The following DPP9 variants were observed in gnomAD, a reference collection of about 807,000 sequenced individuals.
The protein encoded by DPP9 is dipeptidyl peptidase 9, also known as dipeptidyl peptidase IV-related protein-2.
A neutral mutation model predicts 110.7 loss-of-function variants in DPP9; 50 were observed. The observed-to-expected ratio is 0.45, with a 90% confidence interval of 0.36 to 0.57. The LOEUF (loss-of-function observed/expected upper bound fraction) is 0.57, where lower values mean the gene tolerates loss of function less well. Among genes scored for constraint, DPP9 ranks in the 20% least tolerant of loss-of-function variants. The pLI, the probability that DPP9 is intolerant of heterozygous loss-of-function variation, is 0.00. For synonymous variants in DPP9, 561 were observed against 514.4 expected, an observed-to-expected ratio of 1.09 and a Z score of -1.23; for missense variants, 1,022 against 1,217.9, an observed-to-expected ratio of 0.84 and a Z score of 2.39.
At chr19:4,720,509 G>A (rs1165587892) in intron 2 of DPP9, among the ~76,000 whole-genome samples, 28 of 152,248 alleles carry the variant, frequency 1.8e-4, no homozygotes. Flanking sequence ...CCCATCTGAA[G>A]ATGCTACCTG....
Position 4,693,266 on chromosome 19 carries a change from C to T in DPP9, c.1516+1395G>A, listed in dbSNP as rs72620526. On this transcript the variant is annotated intron_variant, in intron 13 of 21. Coordinates refer to ENST00000262960, the MANE Select transcript of DPP9 (RefSeq NM_139159.5). This position sits in a 1 kb window ranked among gnomAD's most constrained non-coding sequence, Gnocchi z 5.0. ...CTTTGAAGAGCCTGGGCCGGGCTCC[C>T]GGACCACCCCACCTCTCTATCCAGA... Among the ~76,000 whole-genome samples the T allele has an allele frequency of 0.12, 18,467 of 152,022 alleles. 1,501 individuals carry two copies. The highest frequency in any genetic ancestry group is 0.22 in the African/African-American group (9,084 of 41,460).
rs1442425706 is a variant in DPP9, at chr19:4,676,870, G to C, written c.2587-214C>G. ...AATCCGGACCTCACAGTCTTTGGGAGGATTTGGTAAGACAAAGTTTACAAA... is the reference window on the plus strand; with the variant it reads ...AATCCGGACCTCACAGTCTTTGGGACGATTTGGTAAGACAAAGTTTACAAA... On this transcript the variant is annotated intron_variant, in intron 21 of 21. Coordinates refer to ENST00000262960, the MANE Select transcript of DPP9 (RefSeq NM_139159.5). The surrounding 1 kb of genome is among the most constrained non-coding windows in gnomAD (Gnocchi z 4.0). Among the ~76,000 whole-genome samples, 1 of 152,200 alleles carries C rather than the reference G, an allele frequency of 6.6e-6. No individual in the cohort carries two copies. Among genetic ancestry groups the C allele is most frequent in the Non-Finnish European group, 1.5e-5 (1 of 68,036 alleles).
rs998037439 is a variant in DPP9, at chr19:4,710,061, C to T, written c.313+4020G>A. On this transcript the variant is annotated intron_variant, in intron 4 of 21. Transcript: ENST00000262960. The surrounding 1 kb of genome is among the most constrained non-coding windows in gnomAD (Gnocchi z 5.6). ...TGAGGCAAGGGCTAGAGGTGACCGC[C>T]AAGGGCTGTGGATTTCTGCTGCCCC... Among the ~76,000 whole-genome samples the T allele has an allele frequency of 7.2e-5, 11 of 152,248 alleles. No individual in the cohort carries two copies.
At chr19:4,719,665 G>A (rs1283678095) in intron 3 of DPP9, 186 bp downstream of exon 3, 4 of 688,856 alleles carry the variant, frequency 5.8e-6, no homozygotes, top group African/African-American at 5.4e-5. Context: ...CGTCCACAGT[G>A]CCGAGGGGGA....
chr19:4,695,590 A>G lies in DPP9; in HGVS notation c.1176-35T>C. The G allele has an allele frequency of 7.0e-7, 1 of 1,438,704 alleles. No homozygotes were observed. The highest frequency in any genetic ancestry group is 9.1e-7 in the Non-Finnish European group (1 of 1,093,524). The allele number at this position is 1,438,704 out of a possible 1,614,324, so 89.1% of individuals were successfully genotyped here. A position where few individuals can be genotyped will look rare whatever the true frequency, so the allele number is the denominator to read the frequency against. ...AAGATGCGGGGGAAGATGAGAGGGA[A>G]GCTGGGAGCCTCAGTGGCCTGCACA... On this transcript the variant is annotated intron_variant, in intron 11 of 21. Coordinates refer to ENST00000262960, the MANE Select transcript of DPP9 (RefSeq NM_139159.5). This position sits in a 1 kb window ranked among gnomAD's most constrained non-coding sequence, Gnocchi z 4.7.
intron 8 of DPP9, 89 bp downstream of exon 8, chr19:4,702,514 G>T: frequency 9.9e-7 from 1 of 1,014,844 alleles, no homozygotes; most frequent in Non-Finnish European, 1.5e-6. Context: ...GGTTTGAGGT[G>T]AAAGGAGTAA....
Position 4,700,179 on chromosome 19 carries a change from T to C in DPP9, c.1074+37A>G, listed in dbSNP as rs749469612. 6.6e-7 allele frequency: 1 copy of C among 1,508,534 alleles called. No homozygotes were observed. The highest frequency in any genetic ancestry group is 9.0e-7 in the Non-Finnish European group (1 of 1,109,938). 93.4% of individuals were successfully genotyped at this position (1,508,534 alleles called of 1,614,324 possible). On this transcript the variant is annotated intron_variant, in intron 10 of 21. Transcript: ENST00000262960. This position sits in a 1 kb window ranked among gnomAD's most constrained non-coding sequence, Gnocchi z 4.3. ...GCCTACCCGGCCCTTCCCCGCATCA[T>C]CTAGTAGATTATCTGGTATGCAGCA... is the stretch of plus-strand genomic sequence containing the variant.
At position 4,694,808 on chromosome 19, in the gene DPP9, AGAAG is replaced by A. The variant is rs1360075526; in HGVS notation, c.1365_1368del (p.Phe456IlefsTer34). 1 of 1,613,854 alleles carries A rather than the reference AGAAG, an allele frequency of 6.2e-7. No individual in the cohort carries two copies. The highest frequency in any genetic ancestry group is 8.5e-7 in the Non-Finnish European group (1 of 1,179,860). On this transcript the variant is annotated frameshift_variant, in exon 13 of 22. Coordinates refer to ENST00000262960, the MANE Select transcript of DPP9 (RefSeq NM_139159.5). LOFTEE classifies it high-confidence loss of function. The surrounding 1 kb of genome is among the most constrained non-coding windows in gnomAD (Gnocchi z 4.0). The stretch of plus-strand genomic sequence containing the variant: ...TCTCCCTCTGATTGGGGGAAGGGAT[AGAAG>A]ATGTCATGAACCTGTCCGGAAAGCA...
chr19:4,698,159 C>G lies in DPP9; in HGVS notation c.1075-508G>C, dbSNP rs146327878. On this transcript the variant is annotated intron_variant, in intron 10 of 21. Transcript: ENST00000262960. This position sits in a 1 kb window ranked among gnomAD's most constrained non-coding sequence, Gnocchi z 4.2. ...CCAAAGGCTCTGGTCTGGGCTGTCC[C>G]TTAGAGCCAGGTGGCTCTGGGCAAG... 5.3e-5 allele frequency among the ~76,000 whole-genome samples: 8 copies of G among 152,358 alleles called. No individual in the cohort carries two copies. Among genetic ancestry groups the G allele is most frequent in the African/African-American group, 1.9e-4 (8 of 41,582 alleles).
chr19:4,716,010 G>A (rs1599950954), intron 3 of DPP9: 1 of 152,356 alleles, frequency 6.6e-6, no homozygotes, highest in South Asian at 2.1e-4. Context: ...GTGGCACCGG[G>A]GCTGGTCTCG....
intron 3 of DPP9, among the ~76,000 whole-genome samples, chr19:4,714,806 C>T (rs2092998702): frequency 6.6e-6 from 1 of 151,928 alleles, no homozygotes; most frequent in Non-Finnish European, 1.5e-5. Context: ...AACCAGTTCT[C>T]ACCACCACCT....
Position 4,690,959 on chromosome 19 carries a change from T to C in DPP9, c.1517-2A>G. On this transcript the variant is annotated splice_acceptor_variant, in intron 13 of 21. Transcript: ENST00000262960. LOFTEE classifies it high-confidence loss of function. ...CCTTAATGGGGCACTTAAATTCATCTGGAAAGAAAGAAAGAAGGGAGGTGA... is the reference window on the plus strand; with the variant it reads ...CCTTAATGGGGCACTTAAATTCATCCGGAAAGAAAGAAAGAAGGGAGGTGA... 6.2e-7 allele frequency: 1 copy of C among 1,611,268 alleles called. No individual in the cohort carries two copies. The highest frequency in any genetic ancestry group is 8.5e-7 in the Non-Finnish European group (1 of 1,178,818).
At chr19:4,713,785 GC>G (rs1158606782) in intron 4 of DPP9, among the ~76,000 whole-genome samples, 2 of 152,152 alleles carry the variant, frequency 1.3e-5, no homozygotes, top group Non-Finnish European at 2.9e-5. Flanking sequence ...CAATCTCCGG[GC>G]TTGGAGCCAC....
rs190832891 is a variant in DPP9 at position 4,721,896 on chromosome 19, C to T, written c.-36+603G>A. 1.6e-3 allele frequency among the ~76,000 whole-genome samples: 242 copies of T among 152,260 alleles called. 1 individual carries two copies. Among genetic ancestry groups the T allele is most frequent in the African/African-American group, 5.4e-3 (224 of 41,540 alleles). On this transcript the variant is annotated intron_variant, in intron 2 of 21. Coordinates refer to ENST00000262960, the MANE Select transcript of DPP9 (RefSeq NM_139159.5). ...ATACTCTCAGTCCAGTGGTGAAAAG[C>T]GTGGGCTCTGGTCTCAGAGAGAAAG...
At chr19:4,688,935 C>A (rs1157843207) in intron 15 of DPP9, 43 bp from the exon 16 acceptor site, 4 of 1,496,012 alleles carry the variant, frequency 2.7e-6, no homozygotes, top group Non-Finnish European at 3.5e-6. Flanking sequence ...GATGCCGCTG[C>A]GCCCTTTCCA....
At position 4,704,195 on chromosome 19, in the gene DPP9, A is replaced by T; in HGVS notation, c.536T>A (p.Leu179His). Residue 179 changes from leucine to histidine, a missense_variant, in exon 6 of 22, where the codon CTC (leucine) becomes CAC (histidine). By Grantham distance (99) the Leu-to-His change is moderately conservative (BLOSUM62 -3). Coordinates refer to ENST00000262960, the MANE Select transcript of DPP9 (RefSeq NM_139159.5). This position sits in a 1 kb window ranked among gnomAD's most constrained non-coding sequence, Gnocchi z 6.0. ...TSYDFHSESG[L>H]FLFQASNSLF... ...GCTGTTGCTGGCCTGGAAGAGGAAGAGGCCACTCTCGCTGTGGAAGTCGTA... is the reference window on the plus strand; with the variant it reads ...GCTGTTGCTGGCCTGGAAGAGGAAGTGGCCACTCTCGCTGTGGAAGTCGTA... 1 of 1,613,996 alleles carries T rather than the reference A, an allele frequency of 6.2e-7. No individual in the cohort carries two copies. Among genetic ancestry groups the T allele is most frequent in the Non-Finnish European group, 8.5e-7 (1 of 1,179,878 alleles).
At chr19:4,686,038 G>A (rs544496468) in intron 16 of DPP9, 35 of 353,372 alleles carry the variant, frequency 9.9e-5, no homozygotes, top group African/African-American at 7.0e-4. Context: ...TCGGCCTCCT[G>A]TGTAGGGTCA....
intron 13 of DPP9, among the ~76,000 whole-genome samples, chr19:4,692,426 G>A (rs2145559472): frequency 2.0e-5 from 3 of 152,232 alleles, no homozygotes; most frequent in Admixed American, 2.0e-4. Context: ...GTGGCATCGG[G>A]GCCTGGGGAG....
chr19:4,701,180 T>A (rs1201096170), intron 9 of DPP9, among the ~76,000 whole-genome samples: 1 of 152,166 alleles, frequency 6.6e-6, no homozygotes, highest in African/African-American at 2.4e-5. Flanking sequence ...GTTTAAGAAT[T>A]GGGAGTGGCC....
Sources: gnomAD v4.1 joint callset for allele counts (sites outside exome capture counted in the v4.1 genomes callset) on GRCh38, gnomAD v4.1.1 for gene constraint, Gnocchi (gnomAD v3.1) non-coding constraint, MANE v1.5 for transcripts, NCBI Gene and HGNC (gene_info 2026-07-23, HGNC 2026-07-21) for gene names.